UBE2H: variants seen among roughly 807,000 people sequenced by gnomAD.
The protein encoded by UBE2H is ubiquitin conjugating enzyme E2 H, also known as ubiquitin-conjugating enzyme E2 H.
A neutral mutation model predicts 29.0 loss-of-function variants in UBE2H; 3 were observed. The observed-to-expected ratio is 0.10, with a 90% CI of 0.05 to 0.27. The LOEUF (loss-of-function observed/expected upper bound fraction) is 0.27. Among genes scored for constraint, UBE2H ranks in the 10% least tolerant of loss-of-function variants. The pLI is 1.00. For missense variants in UBE2H, 68 were observed against 228.2 expected (o/e 0.30, Z 4.52); for synonymous variants, 69 against 82.9 (o/e 0.83, Z 0.91).
At chr7:129,893,972 T>C (rs991983046) in intron 1 of UBE2H, among the ~76,000 whole-genome samples, 1 of 152,112 alleles carries the variant, frequency 6.6e-6, no homozygotes. Context: ...TAGCCTGACA[T>C]GGCAAAACCC....
chr7:129,854,006 A>G (rs1424186290), intron 5 of UBE2H, among the ~76,000 whole-genome samples: 4 of 150,458 alleles, frequency 2.7e-5, no homozygotes, highest in Non-Finnish European at 5.9e-5. Flanking sequence ...TTTGCTTTTC[A>G]GTTGAATATT....
At chr7:129,869,813 G>C (rs914528000) in intron 3 of UBE2H, among the ~76,000 whole-genome samples, 6 of 152,202 alleles carry the variant, frequency 3.9e-5, no homozygotes, top group African/African-American at 1.4e-4. Flanking sequence ...GCAGGGAGGA[G>C]AGACATAAGT....
chr7:129,857,954 G>C (rs1483194313), intron 4 of UBE2H, among the ~76,000 whole-genome samples: 1 of 152,100 alleles, frequency 6.6e-6, no homozygotes, highest in Non-Finnish European at 1.5e-5. Context: ...CACAAATTGA[G>C]GAACAATCTA....
At chr7:129,896,490 G>A (rs984647150) in intron 1 of UBE2H, among the ~76,000 whole-genome samples, 19 of 151,954 alleles carry the variant, frequency 1.3e-4, no homozygotes, top group Non-Finnish European at 1.3e-4. Context: ...CGGCAGCCTC[G>A]ACCCTCCCAG....
chr7:129,928,748 A>T (rs1807323846), intron 1 of UBE2H, among the ~76,000 whole-genome samples: 2 of 152,334 alleles, frequency 1.3e-5, no homozygotes, highest in African/African-American at 4.8e-5. Context: ...ACATCTATAG[A>T]AGTATCACTG....
At chr7:129,875,480 C>A (rs930317995) in intron 3 of UBE2H, among the ~76,000 whole-genome samples, 3 of 152,160 alleles carry the variant, frequency 2.0e-5, no homozygotes, top group African/African-American at 7.2e-5. Flanking sequence ...CTAAATATTT[C>A]TTTAGATAAT....
At chr7:129,859,268 T>C (rs988444043) in intron 3 of UBE2H, among the ~76,000 whole-genome samples, 3 of 152,216 alleles carry the variant, frequency 2.0e-5, no homozygotes, top group African/African-American at 7.2e-5. Flanking sequence ...GCCAGTGTCA[T>C]GATAAAAGTT....
At chr7:129,876,756 A>G (rs1253393556) in intron 3 of UBE2H, among the ~76,000 whole-genome samples, 1 of 152,212 alleles carries the variant, frequency 6.6e-6, no homozygotes, top group Non-Finnish European at 1.5e-5. Flanking sequence ...TAATGGCATC[A>G]TAAGAATAAG....
chr7:129,898,263 C>A (rs538585433), intron 1 of UBE2H, among the ~76,000 whole-genome samples: 5 of 152,012 alleles, frequency 3.3e-5, no homozygotes, highest in African/African-American at 4.8e-5. Context: ...AAAAAGCCAC[C>A]CTGCCATATT....
intron 3 of UBE2H, among the ~76,000 whole-genome samples, chr7:129,861,483 G>GTGGATA (rs1805802449): frequency 1.3e-5 from 2 of 152,126 alleles, no homozygotes; most frequent in Admixed American, 6.6e-5. Context: ...AGGTGTGGAT[G>GTGGATA]GTTGTCATGT....
At chr7:129,922,832 C>T (rs1057326339) in intron 1 of UBE2H, among the ~76,000 whole-genome samples, 5 of 152,152 alleles carry the variant, frequency 3.3e-5, no homozygotes, top group African/African-American at 1.2e-4. Context: ...AACGATCCTC[C>T]AGCCTCAGCC....
At chr7:129,902,768 A>C (rs562668050) in intron 1 of UBE2H, among the ~76,000 whole-genome samples, 59 of 152,284 alleles carry the variant, frequency 3.9e-4, no homozygotes, top group Admixed American at 7.2e-4. Context: ...ATGATCTCTA[A>C]GCCTTGCCTC....
intron 6 of UBE2H, among the ~76,000 whole-genome samples, chr7:129,837,993 T>C (rs149282532): frequency 1.1e-4 from 16 of 152,322 alleles, no homozygotes; most frequent in East Asian, 9.6e-4. Flanking sequence ...TAGAGAAATA[T>C]ACTCTGCTCC....
chr7:129,856,434 T>C (rs571773110), intron 5 of UBE2H, among the ~76,000 whole-genome samples: 2 of 152,218 alleles, frequency 1.3e-5, no homozygotes, highest in African/African-American at 4.8e-5. Context: ...ACACACCCGA[T>C]AGCCCTTAAG....
At chr7:129,859,290 C>G (rs1204717830) in intron 3 of UBE2H, among the ~76,000 whole-genome samples, 1 of 152,216 alleles carries the variant, frequency 6.6e-6, no homozygotes, top group Non-Finnish European at 1.5e-5. Flanking sequence ...AGAAACTTCA[C>G]TCTCCCAGAA....
intron 2 of UBE2H, among the ~76,000 whole-genome samples, chr7:129,880,280 G>A (rs1390129958): frequency 1.3e-5 from 2 of 152,216 alleles, no homozygotes; most frequent in Admixed American, 1.3e-4. Context: ...GCTGAGGCGG[G>A]TGGATCACCT....
chr7:129,878,540 G>T (rs1238790416), intron 3 of UBE2H, among the ~76,000 whole-genome samples: 1 of 151,994 alleles, frequency 6.6e-6, no homozygotes, highest in African/African-American at 2.4e-5. Context: ...AAAATTAGCC[G>T]GGTGTGGTGG....
intron 1 of UBE2H, among the ~76,000 whole-genome samples, chr7:129,934,333 A>C (rs1807470905): frequency 6.6e-6 from 1 of 151,522 alleles, no homozygotes; most frequent in African/African-American, 2.4e-5. Context: ...AAAACAAAAA[A>C]GAACAACAAA....
In UBE2H at chr7:129,833,899, C is replaced by T. The variant is rs1046691; in HGVS notation, c.*1038G>A. Reference sequence around the variant, plus strand: ...AGTACCCAGGGCTTTGCAGTCACCACGTGGGTCGTCTTCTCAAGTCTAATG... The same window carrying T: ...AGTACCCAGGGCTTTGCAGTCACCATGTGGGTCGTCTTCTCAAGTCTAATG... On this transcript the variant is annotated 3_prime_UTR_variant, in exon 7 of 7. Transcript: ENST00000355621. 0.18 allele frequency: 27,602 copies of T among 151,972 alleles called. 2,789 individuals are homozygous for T. The highest frequency in any genetic ancestry group is 0.26 in the African/African-American group (10,694 of 41,408). 9.4% of individuals were successfully genotyped at this position (151,972 alleles called of 1,614,324 possible). A position where few individuals can be genotyped will look rare whatever the true frequency, so the allele number is the denominator to read the frequency against.
Sources: gnomAD v4.1 joint callset for allele counts (sites outside exome capture counted in the v4.1 genomes callset) on GRCh38, gnomAD v4.1.1 for gene constraint, MANE v1.5 for transcripts, NCBI Gene and HGNC (gene_info 2026-07-23, HGNC 2026-07-21) for gene names.